Variants in BDP1 observed in about 807,000 individuals in gnomAD.
The protein encoded by BDP1 is transcription factor TFIIIB component B'' homolog.
Under a neutral mutation model 266.6 loss-of-function variants are expected in BDP1, and 169 were observed. That is an observed-to-expected ratio of 0.63 (90% CI 0.56 to 0.72). The LOEUF (loss-of-function observed/expected upper bound fraction) is 0.72. Among genes scored for constraint, BDP1 ranks in the 30% least tolerant of loss-of-function variants. BDP1 has a pLI of 0.00. For missense variants in BDP1, 3,015 were observed against 3,053.8 expected (o/e 0.99, Z 0.30); for synonymous variants, 1,090 against 1,022.4 (o/e 1.07, Z -1.26).
intron 35 of BDP1, among the ~76,000 whole-genome samples, chr5:71,556,367 T>C (rs1486630127): frequency 6.6e-6 from 1 of 152,174 alleles, no homozygotes. Flanking sequence ...CCGATTTTAA[T>C]AGGAGAACTT....
chr5:71,549,348 A>T, intron 33 of BDP1, 72 bp from the exon 34 acceptor site: 1 of 1,222,822 alleles, frequency 8.2e-7, no homozygotes. Context: ...CTTTTTAGAA[A>T]TGAAATAAAT....
chr5:71,553,316 C>G lies in BDP1; in HGVS notation c.7196C>G (p.Thr2399Ser). 6.2e-7 allele frequency: 1 copy of G among 1,610,972 alleles called. No homozygotes were observed. The highest frequency in any genetic ancestry group is 8.5e-7 in the Non-Finnish European group (1 of 1,178,856). The change falls in exon 35 of 39, where the codon ACT becomes AGT. Residue 2399 changes from threonine to serine, a missense_variant. Transcript: ENST00000358731. ...AGAGATGACTGTCAAGAATATACCA[C>G]TGAGGTAAGTGGTATATTAAGTACC... ...TLRDDCQEYT[T>S]EVHSKELTNV...
intron 38 of BDP1, among the ~76,000 whole-genome samples, chr5:71,564,300 T>G (rs1367092839): frequency 6.9e-6 from 1 of 145,878 alleles, no homozygotes; most frequent in Non-Finnish European, 1.5e-5. Context: ...TATGTTTTCT[T>G]TAGGTGCTGT....
intron 38 of BDP1, among the ~76,000 whole-genome samples, chr5:71,564,476 T>C (rs1743902690): frequency 6.6e-6 from 1 of 152,100 alleles, no homozygotes; most frequent in Non-Finnish European, 1.5e-5. Flanking sequence ...TCTAGTGTGG[T>C]ATATTTAGTT....
chr5:71,568,579 C>A (rs1487323325), downstream of BDP1, among the ~76,000 whole-genome samples: 2 of 152,142 alleles, frequency 1.3e-5, no homozygotes, highest in Non-Finnish European at 2.9e-5. Flanking sequence ...AGCAATCCTC[C>A]CAGGTAGGTG....
rs1764968215 is a variant in BDP1 at position 71,512,280 on chromosome 5, G to A, written c.4099G>A (p.Val1367Ile). The stretch of plus-strand genomic sequence containing the variant: ...AGTACTGTCGATGATGCATACACCT[G>A]TAGAAGAAAAAAGAAATTCTGAAAA... ...SEVLSMMHTP[V>I]EEKRNSEKEV... Residue 1367 changes from valine to isoleucine, a missense_variant, in exon 18 of 39, where the codon GTA becomes ATA. By Grantham distance (29) the Val-to-Ile change is conservative (BLOSUM62 3). Coordinates refer to ENST00000358731, the MANE Select transcript of BDP1 (RefSeq NM_018429.3). The A allele has an allele frequency of 3.8e-6, 6 of 1,585,214 alleles. No individual in the cohort carries two copies. The East Asian group carries it at 1.3e-4, about 36-fold the overall frequency.
intron 11 of BDP1, among the ~76,000 whole-genome samples, chr5:71,492,403 G>T (rs182057445): frequency 1.6e-4 from 24 of 152,162 alleles, no homozygotes; most frequent in Admixed American, 7.2e-4. Context: ...TTCAATACTT[G>T]TTATCTTTTA....
chr5:71,472,876 TTCTC>T (rs761994760), intron 7 of BDP1, among the ~76,000 whole-genome samples: 8 of 116,472 alleles, frequency 6.9e-5, no homozygotes, highest in African/African-American at 1.2e-4. Flanking sequence ...AATTTGTATT[TTCTC>T]TCTCTCTCTT....
rs973558599 is a variant in BDP1 at position 71,566,546 on chromosome 5, A to C, written c.*1661A>C. ...AAGCCTCTTGGATTGATAGTATAGT[A>C]GCTCAGGCATTGGAAACTTTCTGCA... On this transcript the variant is annotated 3_prime_UTR_variant, in exon 39 of 39. Coordinates refer to ENST00000358731, the MANE Select transcript of BDP1 (RefSeq NM_018429.3). The C allele has an allele frequency of 1.3e-5, 2 of 152,134 alleles. No homozygotes were observed. The highest frequency in any genetic ancestry group is 4.8e-5 in the African/African-American group (2 of 41,426). The allele number at this position is 152,134 out of a possible 1,614,324, so 9.4% of individuals were successfully genotyped here. A position where few individuals can be genotyped will look rare whatever the true frequency, so the allele number is the denominator to read the frequency against.
At chr5:71,547,721 G>T (rs373966942) in intron 32 of BDP1, among the ~76,000 whole-genome samples, 12 of 152,144 alleles carry the variant, frequency 7.9e-5, no homozygotes, top group African/African-American at 2.4e-4. Context: ...AGGCTGAGGC[G>T]GGTGGATCAT....
the BDP1 span, among the ~76,000 whole-genome samples, chr5:71,573,389 G>A: frequency 6.6e-6 from 1 of 152,174 alleles, no homozygotes; most frequent in Non-Finnish European, 1.5e-5. Flanking sequence ...TGCCATAGCT[G>A]GAGAGTCCTT....
intron 25 of BDP1, among the ~76,000 whole-genome samples, chr5:71,526,779 C>G (rs1765916386): frequency 2.0e-5 from 3 of 150,920 alleles, no homozygotes; most frequent in Admixed American, 2.0e-4. Context: ...CCTCCACCTC[C>G]CAGGTTTAAG....
intron 14 of BDP1, among the ~76,000 whole-genome samples, chr5:71,502,318 G>A (rs1764301023): frequency 6.6e-6 from 1 of 151,526 alleles, no homozygotes. Context: ...GATATTGCAG[G>A]CGCCCACCAC....
intron 17 of BDP1, 160 bp downstream of exon 17, chr5:71,511,311 G>T: frequency 1.5e-6 from 1 of 683,234 alleles, no homozygotes. Context: ...GTGCCTTGAA[G>T]AAACTGTATG....
chr5:71,497,303 G>A lies in BDP1; in HGVS notation c.1833G>A (p.Met611Ile), dbSNP rs1234747393. The change falls in exon 13 of 39, where the codon ATG (methionine) becomes ATA (isoleucine). Residue 611 changes from methionine (M) to isoleucine (I), a missense_variant. This residue lies in a region of BDP1 where 2,383 missense variants were observed against 2,404.9 expected (regional missense o/e 0.99). Coordinates refer to ENST00000358731, the MANE Select transcript of BDP1 (RefSeq NM_018429.3). ...ATCAAACAGAAAATGTTAAACCAATGTTGAGAGGTCGCTTCCAAAGACCTA... is the reference window on the plus strand; with the variant it reads ...ATCAAACAGAAAATGTTAAACCAATATTGAGAGGTCGCTTCCAAAGACCTA... Reference protein sequence around the residue: ...EIDQTENVKPMLRGRFQRPKP... With the variant: ...EIDQTENVKPILRGRFQRPKP... 1.2e-6 allele frequency: 2 copies of A among 1,613,798 alleles called. No individual in the cohort carries two copies. Among genetic ancestry groups the A allele is most frequent in the Non-Finnish European group, 1.7e-6 (2 of 1,179,890 alleles).
chr5:71,510,055 G>C lies in BDP1; in HGVS notation c.2963G>C (p.Gly988Ala). 6.2e-7 allele frequency: 1 copy of C among 1,612,338 alleles called. No homozygotes were observed. The highest frequency in any genetic ancestry group is 1.3e-5 in the African/African-American group (1 of 74,354). Residue 988 changes from glycine (G) to alanine (A), a missense_variant, in exon 17 of 39, where the codon GGA becomes GCA. Around this residue, in one of 3 missense-constraint regions of BDP1, gnomAD observed 2,383 missense variants for 2,404.9 expected, o/e 0.99. Coordinates refer to ENST00000358731, the MANE Select transcript of BDP1 (RefSeq NM_018429.3). ...ATAGACAAAAATTTGGAAGAAACTG[G>C]AAGAAGAAAAATATCCCCAAGGGAA... is the stretch of plus-strand genomic sequence containing the variant. Reference protein sequence around the residue: ...EEIDKNLEETGRRKISPRENG... With the variant: ...EEIDKNLEETARRKISPRENG...
At chr5:71,486,660 C>T in intron 9 of BDP1, 33 bp downstream of exon 9, 1 of 1,469,082 alleles carries the variant, frequency 6.8e-7, no homozygotes, top group Non-Finnish European at 9.0e-7. Flanking sequence ...TGATAGTTTA[C>T]TTAGTAGTAA....
Position 71,562,309 on chromosome 5 carries a change from T to C in BDP1, c.7532T>C (p.Ile2511Thr), listed in dbSNP as rs1321473515. ...AGACCCCTGGGATTTTTATCTTTAA[T>C]ATGCTCAAAGAATAGTTTGGAGTCT... ...GRRPLGFLSLICSKNSLESDE... is the reference protein window; with the variant it reads ...GRRPLGFLSLTCSKNSLESDE... Residue 2511 changes from isoleucine (I) to threonine (T), a missense_variant, in exon 38 of 39, where the codon ATA becomes ACA. Ile to Thr is a moderately conservative substitution (Grantham distance 89, BLOSUM62 -1). This residue lies in a region of BDP1 where 629 missense variants were observed against 632.5 expected (regional missense o/e 0.99). Coordinates refer to ENST00000358731, the MANE Select transcript of BDP1 (RefSeq NM_018429.3). The C allele has an allele frequency of 1.2e-6, 2 of 1,610,426 alleles. No individual in the cohort carries two copies. The highest frequency in any genetic ancestry group is 8.5e-7 in the Non-Finnish European group (1 of 1,178,720).
the BDP1 span, among the ~76,000 whole-genome samples, chr5:71,574,489 C>A: frequency 1.6e-4 from 25 of 152,120 alleles, no homozygotes; most frequent in African/African-American, 5.5e-4. Flanking sequence ...CCAGGAACAC[C>A]AGGAAATATA....
Sources: gnomAD v4.1 joint callset for allele counts (sites outside exome capture counted in the v4.1 genomes callset) on GRCh38, gnomAD v4.1.1 for gene constraint, gnomAD v4.1.1 regional missense constraint, MANE v1.5 for transcripts, NCBI Gene and HGNC (gene_info 2026-07-23, HGNC 2026-07-21) for gene names.